Variants in KLHL18 observed in about 807,000 individuals in gnomAD.
KLHL18 encodes kelch-like protein 18.
A neutral mutation model predicts 58.5 loss-of-function variants in KLHL18; 38 were observed. The observed-to-expected ratio is 0.65, with a 90% CI of 0.50 to 0.85. KLHL18 has a LOEUF of 0.85. KLHL18 is among the 40% of genes least tolerant of loss of function. The pLI is 0.00. For synonymous variants in KLHL18, 303 were observed against 301.9 expected (o/e 1.00, Z -0.04); for missense variants, 624 against 778.4 (o/e 0.80, Z 2.36).
At chr3:47,328,451 G>T (rs1056308870) in intron 3 of KLHL18, among the ~76,000 whole-genome samples, 1 of 152,150 alleles carries the variant, frequency 6.6e-6, no homozygotes, top group Non-Finnish European at 1.5e-5. Context: ...GCCCTAAGAG[G>T]TGGGTAGCTG....
chr3:47,297,706 T>C, intron 1 of KLHL18: 1 of 448,954 alleles, frequency 2.2e-6, no homozygotes, highest in Non-Finnish European at 4.5e-6. Context: ...TACTTGTTTG[T>C]ATCTCAGATG....
intron 1 of KLHL18, among the ~76,000 whole-genome samples, chr3:47,294,623 G>A (rs1488358255): frequency 2.0e-5 from 3 of 151,752 alleles, no homozygotes; most frequent in Non-Finnish European, 2.9e-5. Flanking sequence ...AAAAGTGGAA[G>A]GACACGAGGT....
chr3:47,315,865 T>G (rs1703410139), intron 1 of KLHL18, among the ~76,000 whole-genome samples: 1 of 152,170 alleles, frequency 6.6e-6, no homozygotes, highest in Non-Finnish European at 1.5e-5. Context: ...TCATGAAAGA[T>G]GAACAGGATT....
At chr3:47,288,928 GCC>G (rs1702734946) in intron 1 of KLHL18, among the ~76,000 whole-genome samples, 1 of 152,226 alleles carries the variant, frequency 6.6e-6, no homozygotes, top group African/African-American at 2.4e-5. Flanking sequence ...GCTGCCAGGA[GCC>G]CAAGGCTCAG....
In KLHL18 at chr3:47,343,647, C is replaced by A. The variant is rs980034565; in HGVS notation, c.1431C>A (p.Ser477Arg). 2 of 1,614,020 alleles carry A rather than the reference C, an allele frequency of 1.2e-6. No homozygotes were observed. The highest frequency in any genetic ancestry group is 1.7e-6 in the Non-Finnish European group (2 of 1,180,040). ...RCRHGAASLG[S>R]KMFVCGGYDG... is the part of the protein sequence containing the mutation. ...GGCACGGAGCCGCCTCCCTGGGGAG[C>A]AAGATGTTTGTCTGCGGGGGCTACG... The change falls in exon 10 of 10, where the codon AGC becomes AGA. Residue 477 changes from serine to arginine, a missense_variant. By Grantham distance (110) the Ser-to-Arg change is moderately radical. Transcript: ENST00000232766.
In KLHL18 at chr3:47,342,788, A is replaced by G. The variant is rs1176848044; in HGVS notation, c.1296A>G (p.Ile432Met). 3 of 1,614,086 alleles carry G rather than the reference A, an allele frequency of 1.9e-6. No homozygotes were observed. The highest frequency in any genetic ancestry group is 2.5e-6 in the Non-Finnish European group (3 of 1,180,030). Residue 432 changes from isoleucine to methionine, a missense_variant, in exon 9 of 10, where the codon ATA (isoleucine) becomes ATG (methionine). Coordinates refer to ENST00000232766, the MANE Select transcript of KLHL18 (RefSeq NM_025010.5). ...GGGTTACAGTCTTTGAGGGCAGGAT[A>G]TATGTGTCAGGCGGCCATGATGGTT... The part of the protein sequence containing the change: ...AAGVTVFEGR[I>M]YVSGGHDGLQ...
At chr3:47,319,821 C>A (rs1262779992) in intron 2 of KLHL18, 38 bp downstream of exon 2, 1 of 1,608,326 alleles carries the variant, frequency 6.2e-7, no homozygotes, top group African/African-American at 1.3e-5. Flanking sequence ...AGGCTGCTTT[C>A]CAAGTGCAGT....
rs1704225959 is a variant in KLHL18, at chr3:47,346,381, C to T, written c.*2440C>T. 6.5e-6 allele frequency: 1 copy of T among 152,686 alleles called. No homozygotes were observed. Among genetic ancestry groups the T allele is most frequent in the Non-Finnish European group, 1.5e-5 (1 of 68,060 alleles). The allele number at this position is 152,686 out of a possible 1,614,324, so 9.5% of individuals were successfully genotyped here. Reference sequence around the variant, plus strand: ...AAACACCAACATATTCACACTCTCCCAGTAGGTTCCTCAGTCCGATGGTGA... The same window carrying T: ...AAACACCAACATATTCACACTCTCCTAGTAGGTTCCTCAGTCCGATGGTGA... On this transcript the variant is annotated 3_prime_UTR_variant, in exon 10 of 10. Coordinates refer to ENST00000232766, the MANE Select transcript of KLHL18 (RefSeq NM_025010.5).
chr3:47,287,917 T>C (rs954726354), intron 1 of KLHL18, among the ~76,000 whole-genome samples: 1 of 152,170 alleles, frequency 6.6e-6, no homozygotes, highest in Non-Finnish European at 1.5e-5. Flanking sequence ...CTGGACAAAA[T>C]GTTCATTGCC....
chr3:47,343,784 G>A lies in KLHL18; in HGVS notation c.1568G>A (p.Cys523Tyr). 6.2e-7 allele frequency: 1 copy of A among 1,614,232 alleles called. No homozygotes were observed. The highest frequency in any genetic ancestry group is 8.5e-7 in the Non-Finnish European group (1 of 1,180,048). The change falls in exon 10 of 10, where the codon TGT becomes TAT. Residue 523 changes from cysteine (C) to tyrosine (Y), a missense_variant. By Grantham distance (194) the Cys-to-Tyr change is radical (BLOSUM62 -2). Transcript: ENST00000232766. ...AGCCGGGTCTCCCTGGTGGCCAGCT[G>A]TGGGCGCCTCTACGCTGTTGGGGGC... ...RRSRVSLVAS[C>Y]GRLYAVGGYD... is the part of the protein sequence containing the mutation.
At chr3:47,340,073 T>A (rs1002656759) in intron 7 of KLHL18, among the ~76,000 whole-genome samples, 3 of 152,198 alleles carry the variant, frequency 2.0e-5, no homozygotes, top group Non-Finnish European at 4.4e-5. Flanking sequence ...AAGTGGCAGA[T>A]AGATTCCTGG....
At position 47,334,877 on chromosome 3, in the gene KLHL18, CCAGA is replaced by C; in HGVS notation, c.898+61_898+64del. ...CTTGGACTCCATGGATGAGGAAGCA[CCAGA>C]CAAATTAGCCTGGCCCTTCTGGTTT... On this transcript the variant is annotated intron_variant, in intron 6 of 9. Transcript: ENST00000232766. The surrounding 1 kb of genome is among the most constrained non-coding windows in gnomAD (Gnocchi z 4.7). The C allele has an allele frequency of 3.9e-6, 6 of 1,534,084 alleles. No homozygotes were observed. In the South Asian group the frequency reaches 4.7e-5, roughly 12 times the overall value.
intron 1 of KLHL18, among the ~76,000 whole-genome samples, chr3:47,307,074 A>C (rs1703162409): frequency 6.6e-6 from 1 of 151,752 alleles, no homozygotes; most frequent in Admixed American, 6.6e-5. Flanking sequence ...TCTCACTTGT[A>C]ACTTGTCTTT....
chr3:47,310,155 A>ACTCAG (rs1703265180), intron 1 of KLHL18, among the ~76,000 whole-genome samples: 1 of 152,086 alleles, frequency 6.6e-6, no homozygotes, highest in Non-Finnish European at 1.5e-5. Context: ...ATTACTCCTA[A>ACTCAG]CTCAGATTTT....
At chr3:47,327,506 A>G (rs1051993012) in intron 3 of KLHL18, among the ~76,000 whole-genome samples, 5 of 152,228 alleles carry the variant, frequency 3.3e-5, no homozygotes. Flanking sequence ...GGGAAGGTTT[A>G]TCTTTATATC....
At chr3:47,341,546 C>T (rs1224790588) in intron 8 of KLHL18, among the ~76,000 whole-genome samples, 1 of 152,188 alleles carries the variant, frequency 6.6e-6, no homozygotes, top group Non-Finnish European at 1.5e-5. Flanking sequence ...GGATGTCTTC[C>T]AAGGTGAGAC....
intron 9 of KLHL18, 89 bp from the exon 10 acceptor site, chr3:47,343,466 A>G: frequency 6.8e-7 from 1 of 1,468,610 alleles, no homozygotes; most frequent in Non-Finnish European, 9.3e-7. Context: ...GTTTGACATC[A>G]TGGGGGGCTG....
chr3:47,326,244 A>C (rs1005271109), intron 3 of KLHL18, among the ~76,000 whole-genome samples: 1 of 152,134 alleles, frequency 6.6e-6, no homozygotes, highest in Admixed American at 6.6e-5. Flanking sequence ...CACCACACCC[A>C]GCCTTGGAGC....
intron 1 of KLHL18, among the ~76,000 whole-genome samples, chr3:47,305,334 GTTTTTT>G (rs397744565): frequency 1.1e-4 from 8 of 70,388 alleles, no homozygotes; most frequent in South Asian, 1.3e-3. Flanking sequence ...ATTTTGTCAA[GTTTTTT>G]TTTTTTTTTT....
Sources: gnomAD v4.1 joint callset for allele counts (sites outside exome capture counted in the v4.1 genomes callset) on GRCh38, gnomAD v4.1.1 for gene constraint, Gnocchi (gnomAD v3.1) non-coding constraint, MANE v1.5 for transcripts, NCBI Gene and HGNC (gene_info 2026-07-23, HGNC 2026-07-21) for gene names.